Variants in CA1 observed in about 807,000 individuals in gnomAD.
CA1 encodes carbonate dehydratase I.
A neutral mutation model predicts 28.8 loss-of-function variants in CA1; 27 were observed. The observed-to-expected ratio is 0.94, with a 90% confidence interval of 0.69 to 1.29. The LOEUF (loss-of-function observed/expected upper bound fraction) is 1.29. Ranked by LOEUF, CA1 falls within the 50% of genes most tolerant of loss-of-function variation. The pLI, the probability that CA1 is intolerant of heterozygous loss-of-function variation, is 0.00. For missense variants in CA1, 335 were observed against 310.5 expected, an observed-to-expected ratio of 1.08 and a Z score of -0.59; for synonymous variants, 121 against 108.8, an observed-to-expected ratio of 1.11 and a Z score of -0.70.
At chr8:85,344,266 A>AAT (rs55810560) in intron 1 of CA1, among the ~76,000 whole-genome samples, 1 of 76,296 alleles carries the variant, frequency 1.3e-5, no homozygotes, top group Non-Finnish European at 2.4e-5. Context: ...TACAGTATAT[A>AAT]ATATATAATT....
At chr8:85,338,217 T>C (rs1169571885) in intron 3 of CA1, 35 bp downstream of exon 3, 8 of 1,558,668 alleles carry the variant, frequency 5.1e-6, no homozygotes, top group Non-Finnish European at 7.1e-6. Flanking sequence ...CAGTAGACTG[T>C]AAGAAAAAAA....
intron 6 of CA1, chr8:85,332,236 A>C (rs569724733): frequency 2.7e-6 from 1 of 372,176 alleles, no homozygotes; most frequent in African/African-American, 2.1e-5. Context: ...TTAAATGGCT[A>C]TGTAATCTGG....
chr8:85,365,844 A>T (rs1423950555), intron 1 of CA1, among the ~76,000 whole-genome samples: 2 of 152,200 alleles, frequency 1.3e-5, no homozygotes, highest in Non-Finnish European at 2.9e-5. Context: ...CAGTAGAATA[A>T]GGAAGGCCTA....
intron 6 of CA1, among the ~76,000 whole-genome samples, chr8:85,331,293 A>T (rs561960461): frequency 6.6e-6 from 1 of 152,124 alleles, no homozygotes; most frequent in African/African-American, 2.4e-5. Context: ...CTTTAGTCAC[A>T]ACCTATTTAT....
rs1484511594 is a variant in CA1 at position 85,336,987 on chromosome 8, A to G, written c.312T>C (p.His104=). 6.2e-7 allele frequency: 1 copy of G among 1,612,996 alleles called. No individual in the cohort carries two copies. The highest frequency in any genetic ancestry group is 8.5e-7 in the Non-Finnish European group (1 of 1,179,076). The change falls in exon 4 of 8, where the codon CAT becomes CAC. Residue 104 remains histidine, a synonymous_variant. Transcript: ENST00000523022. The stretch of plus-strand genomic sequence containing the variant: ...CTCCATCCACTGTATGTTCTGAACC[A>G]TGCTCATTTGTACTGCCCCAGTGAA... ...FHFHWGSTNE[H]GSEHTVDGVK...
chr8:85,359,943 A>G (rs1476105527), intron 1 of CA1, among the ~76,000 whole-genome samples: 6 of 152,230 alleles, frequency 3.9e-5, no homozygotes, highest in African/African-American at 1.4e-4. Flanking sequence ...CTTACCAATA[A>G]GGAGACTAAA....
At chr8:85,359,327 A>G (rs926086499) in intron 1 of CA1, among the ~76,000 whole-genome samples, 4 of 152,228 alleles carry the variant, frequency 2.6e-5, no homozygotes, top group Admixed American at 1.3e-4. Context: ...TTCTGAGCAC[A>G]TGAAACATCC....
chr8:85,344,281 AT>A (rs1809078867), intron 1 of CA1, among the ~76,000 whole-genome samples: 1 of 63,686 alleles, frequency 1.6e-5, no homozygotes, highest in Non-Finnish European at 3.6e-5. Flanking sequence ...ATAATTATAT[AT>A]TATATACAGT....
intron 2 of CA1, 90 bp from the exon 3 acceptor site, chr8:85,338,539 T>C: frequency 1.0e-6 from 1 of 959,242 alleles, no homozygotes; most frequent in East Asian, 2.4e-5. Flanking sequence ...CTTATTAGAT[T>C]AGGGTTTATT....
chr8:85,338,821 C>T (rs978214253), intron 2 of CA1, among the ~76,000 whole-genome samples: 1 of 150,604 alleles, frequency 6.6e-6, no homozygotes, highest in African/African-American at 2.4e-5. Context: ...TCAAGCGATT[C>T]TCATGCGTGA....
intron 1 of CA1, among the ~76,000 whole-genome samples, chr8:85,351,278 G>T (rs1409915966): frequency 6.6e-6 from 1 of 152,134 alleles, no homozygotes; most frequent in Non-Finnish European, 1.5e-5. Flanking sequence ...ATTTATTTTG[G>T]TTAATGTTTT....
chr8:85,359,303 A>C (rs1470049617), intron 1 of CA1, among the ~76,000 whole-genome samples: 1 of 152,208 alleles, frequency 6.6e-6, no homozygotes, highest in African/African-American at 2.4e-5. Flanking sequence ...ATGGAAGAAC[A>C]TGAGCAGACT....
intron 2 of CA1, among the ~76,000 whole-genome samples, chr8:85,338,752 C>G (rs1022643343): frequency 2.9e-5 from 4 of 139,996 alleles, no homozygotes; most frequent in African/African-American, 1.1e-4. Flanking sequence ...CTTGCTCTGT[C>G]ACCCAGGCTG....
intron 4 of CA1, among the ~76,000 whole-genome samples, chr8:85,334,015 G>A (rs2130150381): frequency 6.6e-6 from 1 of 152,166 alleles, no homozygotes; most frequent in East Asian, 1.9e-4. Context: ...GAGTTCCTGG[G>A]AGTCTTGGCC....
intron 1 of CA1, among the ~76,000 whole-genome samples, chr8:85,352,577 C>T (rs1809451741): frequency 6.6e-6 from 1 of 151,902 alleles, no homozygotes; most frequent in Non-Finnish European, 1.5e-5. Flanking sequence ...TGTGGTTGGT[C>T]TTATTTCACA....
At chr8:85,337,740 G>A (rs1808723085) in intron 3 of CA1, among the ~76,000 whole-genome samples, 1 of 152,118 alleles carries the variant, frequency 6.6e-6, no homozygotes, top group African/African-American at 2.4e-5. Context: ...TAAATCAGTA[G>A]AACTGTTTTA....
intron 1 of CA1, among the ~76,000 whole-genome samples, chr8:85,355,671 C>T (rs1286171442): frequency 6.7e-6 from 1 of 149,740 alleles, no homozygotes; most frequent in Non-Finnish European, 1.5e-5. Flanking sequence ...AAAGTAGGGG[C>T]ATTATAGGCA....
chr8:85,374,235 T>C (rs1039807757), intron 1 of CA1, among the ~76,000 whole-genome samples: 2 of 152,190 alleles, frequency 1.3e-5, no homozygotes, highest in African/African-American at 4.8e-5. Context: ...CAATATTTCA[T>C]ATTCAGCCAC....
At chr8:85,333,678 G>A (rs1166054473) in intron 4 of CA1, 58 bp from the exon 5 acceptor site, 8 of 1,117,624 alleles carry the variant, frequency 7.2e-6, no homozygotes, top group Admixed American at 5.2e-5. Context: ...AAAAAGATAA[G>A]TTATAAGTTA....
Sources: gnomAD v4.1 joint callset for allele counts (sites outside exome capture counted in the v4.1 genomes callset) on GRCh38, gnomAD v4.1.1 for gene constraint, MANE v1.5 for transcripts, NCBI Gene and HGNC (gene_info 2026-07-23, HGNC 2026-07-21) for gene names.